Variants in RERE observed in about 807,000 individuals in gnomAD.
The protein encoded by RERE is arginine-glutamic acid dipeptide repeats.
A neutral mutation model predicts 146.1 loss-of-function variants in RERE; 40 were observed. That is an observed-to-expected ratio of 0.27 (90% CI 0.21 to 0.36). The LOEUF (loss-of-function observed/expected upper bound fraction) is 0.36, where lower values mean the gene tolerates loss of function less well. Among genes scored for constraint, RERE ranks in the 10% least tolerant of loss-of-function variants. The probability of loss-of-function intolerance (pLI) is 1.00; values close to 1 mark genes in which losing one functional copy is unlikely to be tolerated. For synonymous variants in RERE, 1,003 were observed against 866.0 expected (o/e 1.16, Z -2.78); for missense variants, 1,933 against 2,138.7 (o/e 0.90, Z 1.90).
At chr1:8,588,530 C>G (rs552291883) in intron 4 of RERE, among the ~76,000 whole-genome samples, 1 of 152,192 alleles carries the variant, frequency 6.6e-6, no homozygotes, top group Non-Finnish European at 1.5e-5. Context: ...GACCCCCTGA[C>G]CCAAAAGGCA....
chr1:8,587,231 G>A (rs191749475), intron 4 of RERE, among the ~76,000 whole-genome samples: 18 of 152,284 alleles, frequency 1.2e-4, no homozygotes, highest in Admixed American at 9.2e-4. Context: ...ACTTGGGTTC[G>A]AAATCTGGCT....
chr1:8,454,626 G>A (rs1570267004), intron 11 of RERE, among the ~76,000 whole-genome samples: 1 of 152,106 alleles, frequency 6.6e-6, no homozygotes, highest in East Asian at 1.9e-4. Context: ...CCAACATGGT[G>A]AAACCTCATC....
At chr1:8,539,095 C>T (rs947675821) in intron 7 of RERE, among the ~76,000 whole-genome samples, 2 of 152,154 alleles carry the variant, frequency 1.3e-5, no homozygotes, top group Non-Finnish European at 2.9e-5. Flanking sequence ...ACAAAAGCTA[C>T]TTTAGTTAAT....
intron 6 of RERE, among the ~76,000 whole-genome samples, chr1:8,545,980 G>GTATTTT (rs1480930167): frequency 1.3e-5 from 1 of 75,378 alleles, no homozygotes; most frequent in Non-Finnish European, 2.4e-5. Context: ...ACCATACCCA[G>GTATTTT]TCTTTTTTTT....
intron 2 of RERE, among the ~76,000 whole-genome samples, chr1:8,646,296 T>C (rs1294941075): frequency 1.3e-5 from 2 of 152,110 alleles, no homozygotes; most frequent in Non-Finnish European, 2.9e-5. Flanking sequence ...TTTGAGATGC[T>C]GAGGCAAGAC....
chr1:8,509,633 C>T (rs752046926), intron 7 of RERE, among the ~76,000 whole-genome samples: 23 of 152,122 alleles, frequency 1.5e-4, no homozygotes, highest in Non-Finnish European at 1.0e-4. Flanking sequence ...CACAGAGTGA[C>T]GCCATCTCTA....
chr1:8,542,110 G>A (rs1299723086), intron 6 of RERE, among the ~76,000 whole-genome samples: 2 of 152,042 alleles, frequency 1.3e-5, no homozygotes, highest in South Asian at 4.1e-4. Context: ...TATATCACGT[G>A]GTGAGGCCTA....
chr1:8,658,500 G>A (rs1266218901), intron 1 of RERE, among the ~76,000 whole-genome samples: 1 of 152,162 alleles, frequency 6.6e-6, no homozygotes, highest in African/African-American at 2.4e-5. Context: ...GCTCATACCT[G>A]TAATCCCAGC....
chr1:8,805,557 G>A (rs1170229375), intron 1 of RERE, among the ~76,000 whole-genome samples: 2 of 151,576 alleles, frequency 1.3e-5, no homozygotes, highest in Non-Finnish European at 2.9e-5. Flanking sequence ...GCTGAGGCAG[G>A]AGAATCACTT....
At chr1:8,422,496 C>A (rs998405426) in intron 12 of RERE, among the ~76,000 whole-genome samples, 2 of 152,186 alleles carry the variant, frequency 1.3e-5, no homozygotes, top group Non-Finnish European at 2.9e-5. Context: ...CTCAGAGTTA[C>A]AACAGAAGTC....
chr1:8,801,088 G>A (rs1033816007), intron 1 of RERE, among the ~76,000 whole-genome samples: 3 of 151,948 alleles, frequency 2.0e-5, no homozygotes, highest in African/African-American at 2.4e-5. Context: ...GTAAAACCCC[G>A]TTTCTACAAA....
rs959188859 is a variant in RERE, at chr1:8,463,642, A to G, written c.1203+2283T>C. On this transcript the variant is annotated intron_variant, in intron 11 of 22. Transcript: ENST00000400908. Reference sequence around the variant, plus strand: ...GGAATGAAAGGTCACAAGAGAAATGAAAGAAGGGAGAGAGGAGAGCCATGG... The same window carrying G: ...GGAATGAAAGGTCACAAGAGAAATGGAAGAAGGGAGAGAGGAGAGCCATGG... 3.3e-5 allele frequency among the ~76,000 whole-genome samples: 5 copies of G among 152,264 alleles called. No homozygotes were observed. In the South Asian group the frequency reaches 1.0e-3, roughly 32 times the overall value.
At chr1:8,458,660 G>C (rs1408139313) in intron 11 of RERE, among the ~76,000 whole-genome samples, 2 of 152,030 alleles carry the variant, frequency 1.3e-5, no homozygotes. Context: ...TCTAAAAGTA[G>C]GGCTGGGGAT....
chr1:8,535,096 C>G (rs879453209), intron 7 of RERE, among the ~76,000 whole-genome samples: 2 of 151,946 alleles, frequency 1.3e-5, no homozygotes, highest in Non-Finnish European at 2.9e-5. Flanking sequence ...ACCGTACCTA[C>G]GAATAGCCAC....
chr1:8,660,458 A>C (rs1275806523), intron 1 of RERE, among the ~76,000 whole-genome samples: 1 of 152,134 alleles, frequency 6.6e-6, no homozygotes, highest in South Asian at 2.1e-4. Context: ...GATTCTTCCA[A>C]CTCATGAAGT....
At position 8,448,575 on chromosome 1, in the gene RERE, GGT is replaced by G. The variant is rs1388499520; in HGVS notation, c.1203+17348_1203+17349del. Among the ~76,000 whole-genome samples the G allele has an allele frequency of 2.0e-5, 3 of 152,130 alleles. No homozygotes were observed. In the South Asian group the frequency reaches 6.2e-4, roughly 32 times the overall value. ...AGTTGGAGACCAGCCTGGCCAACAT[GGT>G]GAAACTCCATCTCTACTAAAAACAT... On this transcript the variant is annotated intron_variant, in intron 11 of 22. Coordinates refer to ENST00000400908, the MANE Select transcript of RERE (RefSeq NM_001042681.2).
intron 12 of RERE, among the ~76,000 whole-genome samples, chr1:8,381,368 C>T (rs1642451568): frequency 6.6e-6 from 1 of 152,024 alleles, no homozygotes; most frequent in South Asian, 2.1e-4. Context: ...TCGGGAAACG[C>T]TAACTTGAAC....
chr1:8,365,685 C>T, intron 13 of RERE, 127 bp downstream of exon 13: 2 of 1,027,434 alleles, frequency 1.9e-6, no homozygotes, highest in East Asian at 2.5e-5. Flanking sequence ...TTCACACATG[C>T]ACTGGAGCAC....
chr1:8,788,277 T>C (rs1311670704), intron 1 of RERE, among the ~76,000 whole-genome samples: 1 of 151,732 alleles, frequency 6.6e-6, no homozygotes, highest in Non-Finnish European at 1.5e-5. Flanking sequence ...TGTGTTATAA[T>C]AACATCATAA....
Sources: allele counts gnomAD v4.1 joint callset (sites outside exome capture counted in the v4.1 genomes callset), GRCh38; gene constraint gnomAD v4.1.1; transcripts MANE v1.5; gene names NCBI Gene and HGNC (gene_info 2026-07-23, HGNC 2026-07-21).